The following ANKFN1 variants were observed in gnomAD, a reference collection of about 807,000 sequenced individuals.
ANKFN1 encodes the protein ankyrin repeat and fibronectin type III domain containing 1, also known as ankyrin repeat and fibronectin type-III domain-containing protein 1.
In ANKFN1, 74 loss-of-function variants were observed where a neutral mutation model predicts 108.7. The observed-to-expected ratio is 0.68, with a 90% CI of 0.56 to 0.83. ANKFN1 has a LOEUF of 0.83. ANKFN1 is among the 40% of genes least tolerant of loss of function. ANKFN1 has a pLI of 0.00. For missense variants in ANKFN1, 1,505 were observed against 1,382.3 expected (o/e 1.09, Z -1.41); for synonymous variants, 547 against 516.2 (o/e 1.06, Z -0.81).
chr17:56,181,104 G>A (rs2143626609), intron 1 of ANKFN1, among the ~76,000 whole-genome samples: 1 of 152,266 alleles, frequency 6.6e-6, no homozygotes. Context: ...TGAGTCTAGG[G>A]AATGAGTGAT....
chr17:56,353,067 T>C (rs2046286085), intron 5 of ANKFN1, among the ~76,000 whole-genome samples: 1 of 152,172 alleles, frequency 6.6e-6, no homozygotes, highest in Admixed American at 6.5e-5. Context: ...AACTGTATTC[T>C]GTAGAACACT....
intron 4 of ANKFN1, among the ~76,000 whole-genome samples, chr17:56,055,480 GTATA>G (rs1369920566): frequency 6.9e-6 from 1 of 144,462 alleles, no homozygotes; most frequent in African/African-American, 2.6e-5. Flanking sequence ...ATGTCTGTGT[GTATA>G]TATATATGTG....
At chr17:56,449,217 A>C in intron 11 of ANKFN1, 31 bp downstream of exon 11, 1 of 1,579,108 alleles carries the variant, frequency 6.3e-7, no homozygotes, top group Non-Finnish European at 8.7e-7. Flanking sequence ...TGGGCCATCA[A>C]CTGAGGTCTC....
intron 3 of ANKFN1, among the ~76,000 whole-genome samples, chr17:56,287,504 C>T (rs1045241415): frequency 4.1e-4 from 63 of 152,126 alleles, no homozygotes; most frequent in African/African-American, 1.4e-3. Context: ...CCAAACAGCA[C>T]CTAAGAAGTT....
chr17:56,103,650 C>A (rs547171505), intron 4 of ANKFN1, among the ~76,000 whole-genome samples: 1 of 152,090 alleles, frequency 6.6e-6, no homozygotes, highest in African/African-American at 2.4e-5. Context: ...TTCATTCAAC[C>A]AGCATAATCA....
chr17:56,160,015 T>G (rs1486927058), intron 1 of ANKFN1, among the ~76,000 whole-genome samples: 2 of 152,170 alleles, frequency 1.3e-5, no homozygotes, highest in African/African-American at 4.8e-5. Context: ...TCTCCTGCTG[T>G]GTGTTTGCAG....
chr17:56,281,096 TA>T (rs1490956229), intron 3 of ANKFN1, among the ~76,000 whole-genome samples: 1 of 152,224 alleles, frequency 6.6e-6, no homozygotes, highest in Non-Finnish European at 1.5e-5. Flanking sequence ...CTTTCTTTTG[TA>T]AATTGCCCAG....
chr17:56,329,256 T>G (rs1471544591), intron 4 of ANKFN1, among the ~76,000 whole-genome samples: 1 of 152,142 alleles, frequency 6.6e-6, no homozygotes, highest in Non-Finnish European at 1.5e-5. Flanking sequence ...TGTACCACTG[T>G]GAGTGTCAAA....
In ANKFN1 at chr17:56,216,909, C is replaced by A. The variant is rs149451708; in HGVS notation, c.12+4230C>A. Among the ~76,000 whole-genome samples, 219 of 152,008 alleles carry A rather than the reference C, an allele frequency of 1.4e-3. 1 individual carries two copies. Among genetic ancestry groups the A allele is most frequent in the African/African-American group, 5.1e-3 (210 of 41,462 alleles). On this transcript the variant is annotated intron_variant, in intron 2 of 20. Transcript: ENST00000682825. ...TCTAGTCAGAGAAATAATGCTCAAACAAGGAAAGCTTCTATTGTAGGATGT... is the reference window on the plus strand; with the variant it reads ...TCTAGTCAGAGAAATAATGCTCAAAAAAGGAAAGCTTCTATTGTAGGATGT...
At chr17:56,311,366 G>A (rs1369103276) in intron 3 of ANKFN1, among the ~76,000 whole-genome samples, 1 of 152,162 alleles carries the variant, frequency 6.6e-6, no homozygotes, top group Non-Finnish European at 1.5e-5. Flanking sequence ...GAATTGGTGA[G>A]TATAAGGGAC....
At chr17:56,173,604 C>T (rs1375255402) in intron 1 of ANKFN1, among the ~76,000 whole-genome samples, 1 of 151,948 alleles carries the variant, frequency 6.6e-6, no homozygotes, top group African/African-American at 2.4e-5. Context: ...ACTAAAAATG[C>T]ACACTACCAT....
At chr17:56,326,126 A>G in intron 3 of ANKFN1, 95 bp from the exon 4 acceptor site, 1 of 1,475,122 alleles carries the variant, frequency 6.8e-7, no homozygotes, top group Non-Finnish European at 9.0e-7. Flanking sequence ...CCTATGCATC[A>G]TTTCCTCTTT....
At chr17:56,260,448 C>T (rs1233493922) in intron 3 of ANKFN1, among the ~76,000 whole-genome samples, 1 of 152,014 alleles carries the variant, frequency 6.6e-6, no homozygotes, top group African/African-American at 2.4e-5. Flanking sequence ...TCACTTTGCA[C>T]CGCCTTTGGC....
upstream of ANKFN1, among the ~76,000 whole-genome samples, chr17:56,149,862 C>T (rs752441457): frequency 2.0e-4 from 30 of 152,250 alleles, no homozygotes; most frequent in Non-Finnish European, 3.8e-4. Context: ...TTCGGGAAGA[C>T]TGCCTCTGGA....
intron 3 of ANKFN1, among the ~76,000 whole-genome samples, chr17:56,280,961 A>C (rs1195591163): frequency 2.6e-5 from 4 of 152,108 alleles, no homozygotes; most frequent in Non-Finnish European, 5.9e-5. Context: ...GATGGTTTTA[A>C]AAAGGGGAGT....
intron 15 of ANKFN1, among the ~76,000 whole-genome samples, chr17:56,467,725 AAGAG>A (rs1197976820): frequency 5.5e-5 from 8 of 144,924 alleles, no homozygotes; most frequent in African/African-American, 1.8e-4. Context: ...GAAAGAAAGA[AAGAG>A]AGAAAGAAAG....
chr17:56,239,960 A>G (rs533381315), intron 3 of ANKFN1, among the ~76,000 whole-genome samples: 1 of 152,258 alleles, frequency 6.6e-6, no homozygotes, highest in South Asian at 2.1e-4. Context: ...TGACATTTTT[A>G]GCATAGTATT....
At chr17:56,379,758 A>G (rs1478886923) in intron 8 of ANKFN1, among the ~76,000 whole-genome samples, 1 of 152,192 alleles carries the variant, frequency 6.6e-6, no homozygotes, top group Non-Finnish European at 1.5e-5. Context: ...TCTGTTATAT[A>G]ATGTTACAAT....
rs1159298506 is a variant in ANKFN1 at position 56,512,731 on chromosome 17, A to C, written c.*1462A>C. On this transcript the variant is annotated 3_prime_UTR_variant, in exon 21 of 21. Coordinates refer to ENST00000682825, the MANE Select transcript of ANKFN1 (RefSeq NM_001370326.1). The stretch of plus-strand genomic sequence containing the variant: ...CATTCCTCCTCATGGGAGTTCATAC[A>C]AAGTCCCCTGTTCACAATGTTATTC... Among the ~76,000 whole-genome samples, 1 of 152,200 alleles carries C rather than the reference A, an allele frequency of 6.6e-6. No homozygotes were observed. Among genetic ancestry groups the C allele is most frequent in the Non-Finnish European group, 1.5e-5 (1 of 68,042 alleles).
Sources: allele counts gnomAD v4.1 joint callset (sites outside exome capture counted in the v4.1 genomes callset), GRCh38; gene constraint gnomAD v4.1.1; transcripts MANE v1.5; gene names NCBI Gene and HGNC (gene_info 2026-07-23, HGNC 2026-07-21).